LOC728743: variants seen among roughly 807,000 people sequenced by gnomAD.
the LOC728743 span, among the ~76,000 whole-genome samples, chr7:150,404,043 C>T: frequency 6.6e-6 from 1 of 152,188 alleles, no homozygotes; most frequent in Non-Finnish European, 1.5e-5. Flanking sequence ...ATCGGGAGGC[C>T]CGCATCTCTC....
the LOC728743 span, among the ~76,000 whole-genome samples, chr7:150,401,397 G>A: frequency 1.3e-5 from 2 of 152,258 alleles, no homozygotes; most frequent in Non-Finnish European, 2.9e-5. Flanking sequence ...ACAGGCCGAG[G>A]GAGAGGGCAG....
the LOC728743 span, chr7:150,407,585 G>A: frequency 2.5e-6 from 1 of 398,560 alleles, no homozygotes. Context: ...TCTCCCTAGG[G>A]ACTGGTGATT....
chr7:150,405,442 G>C, the LOC728743 span: 3 of 152,128 alleles, frequency 2.0e-5, no homozygotes, highest in East Asian at 1.9e-4. Context: ...TCCCGCGCAG[G>C]TCCTTTCCGG....
At chr7:150,409,217 G>C in the LOC728743 span, among the ~76,000 whole-genome samples, 3 of 151,300 alleles carry the variant, frequency 2.0e-5, no homozygotes, top group Non-Finnish European at 4.4e-5. Flanking sequence ...AGGACTTCGT[G>C]GTCAGGGGGT....
At chr7:150,409,078 C>A in the LOC728743 span, among the ~76,000 whole-genome samples, 1 of 151,030 alleles carries the variant, frequency 6.6e-6, no homozygotes, top group Non-Finnish European at 1.5e-5. Context: ...TGGCTTTGAA[C>A]CAGGTCATGG....
chr7:150,405,626 G>A, the LOC728743 span: 1 of 152,388 alleles, frequency 6.6e-6, no homozygotes, highest in Non-Finnish European at 1.5e-5. Context: ...TCGTGGGGGT[G>A]GGGTTGCGAC....
chr7:150,409,493 G>A, the LOC728743 span, among the ~76,000 whole-genome samples: 2,728 of 152,318 alleles, frequency 0.018, 89 homozygotes, highest in African/African-American at 0.063. Flanking sequence ...CAGCCTTTTG[G>A]CAGATGAGGA....
At chr7:150,402,494 G>A in the LOC728743 span, among the ~76,000 whole-genome samples, 424 of 152,354 alleles carry the variant, frequency 2.8e-3, 2 homozygotes, top group African/African-American at 9.5e-3. Context: ...TTGCAGAGGA[G>A]CATACCTTCA....
the LOC728743 span, chr7:150,408,205 C>T: frequency 2.5e-6 from 1 of 392,326 alleles, no homozygotes; most frequent in Non-Finnish European, 4.5e-6. Context: ...AGGCGGCCCA[C>T]TTAGGACGCG....
At chr7:150,401,682 G>C in the LOC728743 span, among the ~76,000 whole-genome samples, 1 of 152,316 alleles carries the variant, frequency 6.6e-6, no homozygotes, top group East Asian at 1.9e-4. Flanking sequence ...TGGAGGAGGT[G>C]TCCTAAACAG....
the LOC728743 span, among the ~76,000 whole-genome samples, chr7:150,408,960 A>T: frequency 0.26 from 39,449 of 152,066 alleles, 5,493 homozygotes; most frequent in East Asian, 0.55. Context: ...GCAGGCCCTG[A>T]CACGGGGTGC....
the LOC728743 span, chr7:150,405,059 TC>T: frequency 6.6e-6 from 1 of 152,232 alleles, no homozygotes; most frequent in African/African-American, 2.4e-5. Context: ...CCTCAGGGAA[TC>T]CCGAAAGGGG....
the LOC728743 span, among the ~76,000 whole-genome samples, chr7:150,402,757 G>T: frequency 6.6e-6 from 1 of 152,192 alleles, no homozygotes; most frequent in Non-Finnish European, 1.5e-5. Context: ...CCCTAGGGAC[G>T]CAGCCCTACA....
the LOC728743 span, chr7:150,404,379 G>C: frequency 6.6e-6 from 1 of 152,186 alleles, no homozygotes; most frequent in Non-Finnish European, 1.5e-5. Flanking sequence ...CACAAGCTGG[G>C]CCACGGTGCT....
the LOC728743 span, among the ~76,000 whole-genome samples, chr7:150,403,560 G>A: frequency 6.6e-6 from 1 of 152,250 alleles, no homozygotes; most frequent in Admixed American, 6.5e-5. This position sits in a 1 kb window ranked among gnomAD's most constrained non-coding sequence, Gnocchi z 5.1. Flanking sequence ...GGGCTGGAAA[G>A]CTGGGCAGTG....
chr7:150,407,839 C>T, the LOC728743 span: 8 of 420,150 alleles, frequency 1.9e-5, no homozygotes, highest in Middle Eastern at 3.3e-4. Flanking sequence ...GCGGCAAGGC[C>T]TTCAGCGTCA....
At chr7:150,410,188 G>A in the LOC728743 span, 134 of 398,634 alleles carry the variant, frequency 3.4e-4, no homozygotes, top group Admixed American at 1.3e-3. Flanking sequence ...CTTAAGACCC[G>A]ATAGGTGCAG....
chr7:150,404,677 G>A, the LOC728743 span: 1,132 of 152,432 alleles, frequency 7.4e-3, 10 homozygotes, highest in Non-Finnish European at 0.013. Context: ...GACGTCGTAA[G>A]TTGCTCTTTT....
At chr7:150,408,041 C>T in the LOC728743 span, 1 of 394,684 alleles carries the variant, frequency 2.5e-6, no homozygotes, top group Non-Finnish European at 4.5e-6. Context: ...CAACCACCAG[C>T]GCACCCACGC....
Sources: allele counts gnomAD v4.1 joint callset (sites outside exome capture counted in the v4.1 genomes callset), GRCh38; gene constraint gnomAD v4.1.1; non-coding constraint Gnocchi (gnomAD v3.1); transcripts MANE v1.5.